Variants in ADAMTS19 observed in about 807,000 individuals in gnomAD.
The protein encoded by ADAMTS19 is A disintegrin and metalloproteinase with thrombospondin motifs 19.
Under a neutral mutation model 153.3 loss-of-function variants are expected in ADAMTS19, and 93 were observed. That is an observed-to-expected ratio of 0.61 (90% CI 0.51 to 0.72). ADAMTS19 has a LOEUF of 0.72. ADAMTS19 is among the 30% of genes least tolerant of loss of function. The pLI is 0.00. For missense variants in ADAMTS19, 1,482 were observed against 1,552.1 expected, an observed-to-expected ratio of 0.95 and a Z score of 0.76; for synonymous variants, 600 against 556.6, an observed-to-expected ratio of 1.08 and a Z score of -1.10.
Position 129,668,656 on chromosome 5 carries a change from T to TG in ADAMTS19, c.2506+3085dup, listed in dbSNP as rs34607570. Among the ~76,000 whole-genome samples, 246 of 151,596 alleles carry TG rather than the reference T, an allele frequency of 1.6e-3. 1 individual carries two copies. Among genetic ancestry groups the TG allele is most frequent in the African/African-American group, 4.6e-3 (192 of 41,350 alleles). On this transcript the variant is annotated intron_variant, in intron 16 of 22. Coordinates refer to ENST00000274487, the MANE Select transcript of ADAMTS19 (RefSeq NM_133638.6). The stretch of plus-strand genomic sequence containing the variant: ...GGTTAGGATTTCAACATATAAATTA[T>TG]GGGGGGGGACACAAATATTCAGACC...
At chr5:129,505,495 A>T (rs566957864) in intron 2 of ADAMTS19, among the ~76,000 whole-genome samples, 11 of 152,292 alleles carry the variant, frequency 7.2e-5, no homozygotes, top group Non-Finnish European at 1.3e-4. Context: ...AAGTAACAAT[A>T]TATGAACATC....
At chr5:129,544,590 C>G (rs1217139001) in intron 6 of ADAMTS19, among the ~76,000 whole-genome samples, 2 of 152,120 alleles carry the variant, frequency 1.3e-5, no homozygotes, top group African/African-American at 4.8e-5. Context: ...AGCGCACTTT[C>G]ACTTGCACAG....
rs1427107693 is a variant in ADAMTS19 at position 129,581,877 on chromosome 5, G to A, written c.1373-14682G>A. 2.6e-5 allele frequency among the ~76,000 whole-genome samples: 4 copies of A among 152,192 alleles called. No homozygotes were observed. In the East Asian group the frequency reaches 7.7e-4, roughly 29 times the overall value. Reference sequence around the variant, plus strand: ...CGTTATTTACCCAGTAGTCATTCAGGAACAGGTTGTTCAGTTTCCATGTAG... The same window carrying A: ...CGTTATTTACCCAGTAGTCATTCAGAAACAGGTTGTTCAGTTTCCATGTAG... On this transcript the variant is annotated intron_variant, in intron 7 of 22. Transcript: ENST00000274487.
intron 18 of ADAMTS19, among the ~76,000 whole-genome samples, chr5:129,685,224 C>T (rs1454536129): frequency 2.0e-5 from 3 of 151,602 alleles, no homozygotes; most frequent in African/African-American, 4.8e-5. Context: ...TAAAAATATC[C>T]ATATATTCTT....
At chr5:129,698,474 C>T in intron 19 of ADAMTS19, among the ~76,000 whole-genome samples, 1 of 152,160 alleles carries the variant, frequency 6.6e-6, no homozygotes. Flanking sequence ...CTAGTAAATA[C>T]CTTTGTAAGT....
intron 7 of ADAMTS19, among the ~76,000 whole-genome samples, chr5:129,581,546 A>T (rs1343490128): frequency 6.6e-6 from 1 of 151,442 alleles, no homozygotes; most frequent in African/African-American, 2.4e-5. Flanking sequence ...CTTTTAAAAA[A>T]AAAAAGCTCC....
At chr5:129,706,610 C>T (rs1231386725) in intron 21 of ADAMTS19, among the ~76,000 whole-genome samples, 1 of 151,570 alleles carries the variant, frequency 6.6e-6, no homozygotes, top group African/African-American at 2.4e-5. Flanking sequence ...TGTTGTTAAC[C>T]TCCAACTAAC....
chr5:129,503,075 C>G (rs1251169551), intron 2 of ADAMTS19, among the ~76,000 whole-genome samples: 1 of 152,132 alleles, frequency 6.6e-6, no homozygotes, highest in Non-Finnish European at 1.5e-5. Flanking sequence ...AATCATGCAA[C>G]TAAAGGTTAT....
intron 7 of ADAMTS19, among the ~76,000 whole-genome samples, chr5:129,560,854 T>A (rs59390621): frequency 0.059 from 9,039 of 152,214 alleles, 423 homozygotes; most frequent in African/African-American, 0.13. Context: ...ACCGCAAGTT[T>A]TTTTAAAAAA....
At chr5:129,518,585 G>T (rs372631051) in intron 3 of ADAMTS19, among the ~76,000 whole-genome samples, 1 of 147,946 alleles carries the variant, frequency 6.8e-6, no homozygotes. Context: ...TATGTTTTTT[G>T]TTTCTTTTCT....
chr5:129,590,725 G>A (rs1750093338), intron 7 of ADAMTS19, among the ~76,000 whole-genome samples: 1 of 152,084 alleles, frequency 6.6e-6, no homozygotes. Flanking sequence ...CAACTAGTGA[G>A]ACAACTTATT....
chr5:129,704,601 A>G (rs1238825566), intron 21 of ADAMTS19, among the ~76,000 whole-genome samples: 1 of 152,214 alleles, frequency 6.6e-6, no homozygotes, highest in East Asian at 1.9e-4. Flanking sequence ...AGCACTTAGC[A>G]CCATACTTGA....
chr5:129,724,112 A>G (rs112805878), intron 21 of ADAMTS19, among the ~76,000 whole-genome samples: 2,988 of 152,346 alleles, frequency 0.02, 85 homozygotes, highest in African/African-American at 0.066. Flanking sequence ...ATTCAAAAAG[A>G]TGCCAGATTC....
intron 17 of ADAMTS19, among the ~76,000 whole-genome samples, chr5:129,683,164 T>C (rs1283602701): frequency 6.7e-6 from 1 of 150,032 alleles, no homozygotes; most frequent in East Asian, 2.0e-4. Context: ...GCTTGACACA[T>C]TTTCTAAAAA....
intron 21 of ADAMTS19, among the ~76,000 whole-genome samples, chr5:129,711,122 G>C (rs1756437676): frequency 6.6e-6 from 1 of 152,112 alleles, no homozygotes; most frequent in Non-Finnish European, 1.5e-5. Flanking sequence ...AAATGAAGCA[G>C]GCTATTAGAG....
intron 3 of ADAMTS19, among the ~76,000 whole-genome samples, chr5:129,516,888 C>CTT (rs200576506): frequency 0.039 from 4,116 of 105,568 alleles, 137 homozygotes; most frequent in African/African-American, 0.071. Flanking sequence ...GAGATTTTTC[C>CTT]TTTTTTTTTT....
intron 9 of ADAMTS19, among the ~76,000 whole-genome samples, chr5:129,621,182 A>G (rs1447240444): frequency 1.3e-5 from 2 of 152,134 alleles, no homozygotes; most frequent in Non-Finnish European, 2.9e-5. Flanking sequence ...TTTCATTAAT[A>G]AATAGTTTCC....
intron 7 of ADAMTS19, among the ~76,000 whole-genome samples, chr5:129,581,154 T>G (rs1749495260): frequency 6.6e-6 from 1 of 152,238 alleles, no homozygotes; most frequent in African/African-American, 2.4e-5. Flanking sequence ...CTTCCTGGTT[T>G]AGTCTTGGGA....
intron 15 of ADAMTS19, among the ~76,000 whole-genome samples, chr5:129,660,904 T>C (rs1022118826): frequency 7.9e-5 from 12 of 152,108 alleles, no homozygotes; most frequent in African/African-American, 2.2e-4. Flanking sequence ...CACACCAAGG[T>C]CCTCTTCCTT....
Sources: allele counts gnomAD v4.1 joint callset (sites outside exome capture counted in the v4.1 genomes callset), GRCh38; gene constraint gnomAD v4.1.1; transcripts MANE v1.5; gene names NCBI Gene and HGNC (gene_info 2026-07-23, HGNC 2026-07-21).